ATP2B2: variants seen among roughly 807,000 people sequenced by gnomAD.
The protein encoded by ATP2B2 is ATPase plasma membrane Ca2+ transporting 2.
Under a neutral mutation model 120.0 loss-of-function variants are expected in ATP2B2, and 15 were observed. The observed-to-expected ratio is 0.12, with a 90% CI of 0.08 to 0.19. ATP2B2 has a LOEUF of 0.19. Ranked by LOEUF, ATP2B2 falls within the 10% of genes least tolerant of loss-of-function variation. ATP2B2 has a pLI of 1.00. For synonymous variants in ATP2B2, 694 were observed against 700.3 expected (o/e 0.99, Z 0.14); for missense variants, 1,045 against 1,719.8 (o/e 0.61, Z 6.94).
rs1422894333 is a variant in ATP2B2, at chr3:10,375,654, G to A, written c.1202-10C>T. Reference sequence around the variant, plus strand: ...GCTGACATCACCAAGCCTGCAATGTGAGGGACACATGCTTGGGGGGTTCCA... The same window carrying A: ...GCTGACATCACCAAGCCTGCAATGTAAGGGACACATGCTTGGGGGGTTCCA... On this transcript the variant is annotated splice_polypyrimidine_tract_variant and intron_variant, in intron 10 of 22. Transcript: ENST00000360273. This position sits in a 1 kb window ranked among gnomAD's most constrained non-coding sequence, Gnocchi z 4.2. 1 of 1,611,590 alleles carries A rather than the reference G, an allele frequency of 6.2e-7. No homozygotes were observed. Among genetic ancestry groups the A allele is most frequent in the East Asian group, 2.2e-5 (1 of 44,864 alleles).
At chr3:10,483,499 T>C (rs993324634) in intron 1 of ATP2B2, among the ~76,000 whole-genome samples, 2 of 152,202 alleles carry the variant, frequency 1.3e-5, no homozygotes, top group Non-Finnish European at 2.9e-5. Flanking sequence ...CTCCTGGCCC[T>C]GAGTGGCTGG....
At chr3:10,357,537 C>G (rs1361048865) in intron 14 of ATP2B2, among the ~76,000 whole-genome samples, 1 of 152,100 alleles carries the variant, frequency 6.6e-6, no homozygotes, top group East Asian at 1.9e-4. Flanking sequence ...GAGAGGGAAA[C>G]TGAGGCTCAG....
intron 1 of ATP2B2, among the ~76,000 whole-genome samples, chr3:10,468,444 G>A (rs568359376): frequency 5.9e-5 from 9 of 152,248 alleles, no homozygotes; most frequent in Non-Finnish European, 1.2e-4. Flanking sequence ...GGGCCAGAGG[G>A]CTGGCGGCTA....
Position 10,445,498 on chromosome 3 carries a change from G to C in ATP2B2, c.199+3847C>G, listed in dbSNP as rs1202980595. Among the ~76,000 whole-genome samples, 3 of 152,216 alleles carry C rather than the reference G, an allele frequency of 2.0e-5. No individual in the cohort carries two copies. The East Asian group carries it at 5.8e-4, about 29-fold the overall frequency. ...TTAGATGGGGGTAGAGGCTGCCCTT[G>C]GCCTCACAGCCTCACAGGGGGGCAG... On this transcript the variant is annotated intron_variant, in intron 2 of 22. Transcript: ENST00000360273.
intron 2 of ATP2B2, among the ~76,000 whole-genome samples, chr3:10,583,296 A>T (rs1238302396): frequency 6.6e-6 from 1 of 152,164 alleles, no homozygotes; most frequent in East Asian, 1.9e-4. Flanking sequence ...GTGTTTAGGG[A>T]ACAACAAAAA....
chr3:10,369,791 G>A (rs1175826426), intron 12 of ATP2B2, among the ~76,000 whole-genome samples: 1 of 152,290 alleles, frequency 6.6e-6, no homozygotes, highest in Non-Finnish European at 1.5e-5. Context: ...GGATTTGAAC[G>A]AAGGCAGTCT....
intron 22 of ATP2B2, among the ~76,000 whole-genome samples, chr3:10,330,646 G>A (rs1221062230): frequency 6.6e-6 from 1 of 152,250 alleles, no homozygotes; most frequent in Non-Finnish European, 1.5e-5. Context: ...ACAGGCCTGC[G>A]GGGAGGCAGG....
At chr3:10,598,158 G>A (rs1461498617) in intron 2 of ATP2B2, among the ~76,000 whole-genome samples, 1 of 152,184 alleles carries the variant, frequency 6.6e-6, no homozygotes, top group Non-Finnish European at 1.5e-5. Context: ...ATTCCAGAAA[G>A]GCCTCACAAA....
At chr3:10,389,855 G>C (rs2061793162) in intron 5 of ATP2B2, among the ~76,000 whole-genome samples, 1 of 152,190 alleles carries the variant, frequency 6.6e-6, no homozygotes, top group Admixed American at 6.5e-5. Flanking sequence ...GTGACCCCAG[G>C]AGGACAGCTG....
At chr3:10,549,712 C>T (rs1350136562) in intron 2 of ATP2B2, among the ~76,000 whole-genome samples, 1 of 151,974 alleles carries the variant, frequency 6.6e-6, no homozygotes, top group Non-Finnish European at 1.5e-5. Context: ...TTTTTCTCAA[C>T]CATCTCAAAC....
intron 3 of ATP2B2, among the ~76,000 whole-genome samples, chr3:10,520,773 T>C (rs2066970194): frequency 1.3e-5 from 2 of 150,932 alleles, no homozygotes; most frequent in Admixed American, 1.3e-4. Context: ...TTTTTTTTCT[T>C]TTTTTTCTTT....
At chr3:10,466,442 T>C (rs2064745134) in intron 1 of ATP2B2, among the ~76,000 whole-genome samples, 2 of 152,298 alleles carry the variant, frequency 1.3e-5, no homozygotes, top group South Asian at 2.1e-4. Context: ...AATAAGACTC[T>C]GTCTAGACTA....
chr3:10,534,585 G>T (rs1240429564), intron 2 of ATP2B2, among the ~76,000 whole-genome samples: 3 of 152,200 alleles, frequency 2.0e-5, no homozygotes, highest in Non-Finnish European at 4.4e-5. Flanking sequence ...TTTACAGATG[G>T]CCTGTGTGTG....
In ATP2B2 at chr3:10,330,430, TG is replaced by T. The variant is rs951930267; in HGVS notation, c.3421-1306del. On this transcript the variant is annotated intron_variant, in intron 22 of 22. Transcript: ENST00000360273. ...GAGAGGTGTCCCTTCTCTGGACTCC[TG>T]GGAGGGGCAGCAGTGCCTGTCATCT... 9.0e-4 allele frequency: 138 copies of T among 152,894 alleles called. 1 individual carries two copies. The highest frequency in any genetic ancestry group is 1.1e-3 in the Non-Finnish European group (76 of 68,236). 9.5% of individuals were successfully genotyped at this position (152,894 alleles called of 1,614,324 possible).
In ATP2B2 at chr3:10,450,044, C is replaced by T. The variant is rs974068099; in HGVS notation, c.-319-182G>A. ...TACTAGCGCCAACCCAGGCACTCCA[C>T]GATATGCCACCCTCAAGGCATAGCC... On this transcript the variant is annotated intron_variant, in intron 1 of 22. Coordinates refer to ENST00000360273, the MANE Select transcript of ATP2B2 (RefSeq NM_001001331.4). Among the ~76,000 whole-genome samples, 12 of 152,256 alleles carry T rather than the reference C, an allele frequency of 7.9e-5. No individual in the cohort carries two copies. The East Asian group carries it at 9.7e-4, about 12-fold the overall frequency.
chr3:10,351,291 C>T (rs1409158829), intron 14 of ATP2B2, among the ~76,000 whole-genome samples: 1 of 146,284 alleles, frequency 6.8e-6, no homozygotes, highest in African/African-American at 2.5e-5. Context: ...CTGAGGGTTT[C>T]CCCGAGGAAA....
At chr3:10,332,318 C>T (rs1291249749) in intron 22 of ATP2B2, 7 of 430,388 alleles carry the variant, frequency 1.6e-5, no homozygotes, top group Non-Finnish European at 3.0e-5. Context: ...GTGGCTTGGA[C>T]CTGGCTTATG....
chr3:10,527,386 A>G (rs1217478637), intron 3 of ATP2B2, among the ~76,000 whole-genome samples: 1 of 152,204 alleles, frequency 6.6e-6, no homozygotes, highest in African/African-American at 2.4e-5. Context: ...TAAATGTCCA[A>G]ATGGACACCT....
At chr3:10,336,806 G>A (rs2060129166) in intron 22 of ATP2B2, among the ~76,000 whole-genome samples, 1 of 152,246 alleles carries the variant, frequency 6.6e-6, no homozygotes, top group Non-Finnish European at 1.5e-5. Context: ...TTATCTGTAA[G>A]TGGCAAAGCA....
Sources: allele counts gnomAD v4.1 joint callset (sites outside exome capture counted in the v4.1 genomes callset), GRCh38; gene constraint gnomAD v4.1.1; non-coding constraint Gnocchi (gnomAD v3.1); transcripts MANE v1.5; gene names NCBI Gene and HGNC (gene_info 2026-07-23, HGNC 2026-07-21).